The following PCSK2 variants were observed in gnomAD, a reference collection of about 807,000 sequenced individuals.
PCSK2 encodes proprotein convertase subtilisin/kexin type 2.
PCSK2 carries 14 observed loss-of-function variants against 69.7 expected under a neutral mutation model. That is an observed-to-expected ratio of 0.20 (90% confidence interval 0.13 to 0.31). PCSK2 has a LOEUF of 0.31. PCSK2 is among the 10% of genes least tolerant of loss of function. PCSK2 has a pLI of 1.00. For missense variants in PCSK2, 544 were observed against 842.5 expected (o/e 0.65, Z 4.39); for synonymous variants, 307 against 320.7 (o/e 0.96, Z 0.46).
chr20:17,402,942 G>C (rs2031675199), intron 5 of PCSK2, among the ~76,000 whole-genome samples: 1 of 151,896 alleles, frequency 6.6e-6, no homozygotes, highest in Non-Finnish European at 1.5e-5. Context: ...GGGCGACAGA[G>C]CGAGACTCCG....
At chr20:17,278,753 C>T (rs1469264422) in intron 2 of PCSK2, among the ~76,000 whole-genome samples, 3 of 151,772 alleles carry the variant, frequency 2.0e-5, no homozygotes, top group East Asian at 3.9e-4. Context: ...ATAATAATGG[C>T]CCTGTAACCC....
chr20:17,314,499 T>G (rs149165989), intron 2 of PCSK2, among the ~76,000 whole-genome samples: 1 of 152,204 alleles, frequency 6.6e-6, no homozygotes, highest in Non-Finnish European at 1.5e-5. Flanking sequence ...TGAGTTATGC[T>G]CTGAATAGCT....
chr20:17,375,057 T>C (rs80057226), intron 5 of PCSK2, among the ~76,000 whole-genome samples: 2 of 152,120 alleles, frequency 1.3e-5, no homozygotes, highest in Non-Finnish European at 2.9e-5. Context: ...ATGGGCAAAA[T>C]GGATGTCTTG....
intron 6 of PCSK2, among the ~76,000 whole-genome samples, chr20:17,424,588 G>T (rs562828943): frequency 2.3e-4 from 35 of 152,166 alleles, no homozygotes; most frequent in African/African-American, 8.2e-4. Flanking sequence ...CGCCTCTCTG[G>T]TTCATGCGAT....
In PCSK2 at chr20:17,330,168, A is replaced by G. The variant is rs117120349; in HGVS notation, c.283-28159A>G. 9.3e-4 allele frequency among the ~76,000 whole-genome samples: 141 copies of G among 152,360 alleles called. 4 individuals carry two copies. The East Asian group carries it at 0.019, about 20-fold the overall frequency. ...AAACACCAGTGTGTGTTTCACACTT[A>G]GAGCACAAATCAATTCAGACTGCCA... On this transcript the variant is annotated intron_variant, in intron 2 of 11. Transcript: ENST00000262545.
At chr20:17,235,826 G>A (rs1986317119) in intron 1 of PCSK2, among the ~76,000 whole-genome samples, 1 of 152,074 alleles carries the variant, frequency 6.6e-6, no homozygotes. Flanking sequence ...CCTTCCATTT[G>A]TGAGATGGTA....
At chr20:17,386,860 A>C (rs967918960) in intron 5 of PCSK2, among the ~76,000 whole-genome samples, 7 of 152,162 alleles carry the variant, frequency 4.6e-5, no homozygotes, top group Admixed American at 6.5e-5. Context: ...TCCTCCCAAC[A>C]CTCCAATGGA....
At chr20:17,317,072 C>T (rs1989711450) in intron 2 of PCSK2, among the ~76,000 whole-genome samples, 1 of 152,142 alleles carries the variant, frequency 6.6e-6, no homozygotes, top group Non-Finnish European at 1.5e-5. Context: ...TGACATCTCC[C>T]AGCTTCCCAA....
At chr20:17,379,014 A>G (rs763541654) in intron 5 of PCSK2, among the ~76,000 whole-genome samples, 28 of 152,158 alleles carry the variant, frequency 1.8e-4, no homozygotes, top group Non-Finnish European at 3.4e-4. Context: ...AGCCTTACAA[A>G]TAATTAACTT....
intron 1 of PCSK2, among the ~76,000 whole-genome samples, chr20:17,237,288 AG>A (rs1986379796): frequency 6.6e-6 from 1 of 152,228 alleles, no homozygotes; most frequent in Non-Finnish European, 1.5e-5. Flanking sequence ...CAAAGTAAAA[AG>A]GAGATGAAGG....
intron 11 of PCSK2, among the ~76,000 whole-genome samples, chr20:17,466,491 G>A (rs1020597924): frequency 7.9e-5 from 12 of 152,084 alleles, no homozygotes; most frequent in Admixed American, 2.0e-4. Flanking sequence ...GCCACTTGGA[G>A]GGATTTGTGT....
At chr20:17,390,602 G>A (rs896632497) in intron 5 of PCSK2, among the ~76,000 whole-genome samples, 6 of 152,116 alleles carry the variant, frequency 3.9e-5, no homozygotes, top group Admixed American at 2.6e-4. Flanking sequence ...ATAGATGTCA[G>A]GGCACTTGGA....
At chr20:17,434,591 C>T (rs2032445827) in intron 7 of PCSK2, among the ~76,000 whole-genome samples, 1 of 152,114 alleles carries the variant, frequency 6.6e-6, no homozygotes, top group South Asian at 2.1e-4. Context: ...AGAGGGAGCC[C>T]ATGAAGGTGA....
intron 4 of PCSK2, among the ~76,000 whole-genome samples, chr20:17,362,287 C>T (rs1600522047): frequency 6.6e-6 from 1 of 152,238 alleles, no homozygotes; most frequent in South Asian, 2.1e-4. Flanking sequence ...CAAAAGTAAA[C>T]TCTGCCCCCC....
chr20:17,247,402 C>T (rs16998876), intron 1 of PCSK2, among the ~76,000 whole-genome samples: 4,303 of 152,276 alleles, frequency 0.028, 201 homozygotes, highest in African/African-American at 0.098. Flanking sequence ...GTGATTGTTT[C>T]GTCTGCCAGT....
intron 10 of PCSK2, chr20:17,464,716 T>A (rs546166777): frequency 6.5e-6 from 1 of 152,720 alleles, no homozygotes; most frequent in South Asian, 2.1e-4. Context: ...TTTTCCATGT[T>A]GTTCAGAGTA....
intron 5 of PCSK2, among the ~76,000 whole-genome samples, chr20:17,391,598 A>C (rs2031375588): frequency 6.6e-6 from 1 of 152,212 alleles, no homozygotes; most frequent in South Asian, 2.1e-4. Flanking sequence ...GGAGGCTGGA[A>C]GGCCAAGACC....
chr20:17,386,396 G>T (rs1454572178), intron 5 of PCSK2, among the ~76,000 whole-genome samples: 3 of 152,010 alleles, frequency 2.0e-5, no homozygotes, highest in Non-Finnish European at 4.4e-5. Flanking sequence ...TACATATAAT[G>T]GAATATTATT....
intron 1 of PCSK2, among the ~76,000 whole-genome samples, chr20:17,250,935 A>G (rs1986952942): frequency 6.6e-6 from 1 of 152,066 alleles, no homozygotes; most frequent in Admixed American, 6.5e-5. Flanking sequence ...CCTGATCTCT[A>G]CTAAAAATAC....
Sources: allele counts gnomAD v4.1 joint callset (sites outside exome capture counted in the v4.1 genomes callset), GRCh38; gene constraint gnomAD v4.1.1; transcripts MANE v1.5; gene names NCBI Gene and HGNC (gene_info 2026-07-23, HGNC 2026-07-21).